TMED3: variants seen among roughly 807,000 people sequenced by gnomAD.
TMED3 encodes the protein transmembrane p24 trafficking protein 3.
Under a neutral mutation model 15.0 loss-of-function variants are expected in TMED3, and 9 were observed. That is an observed-to-expected ratio of 0.60 (90% CI 0.36 to 1.04). The LOEUF (loss-of-function observed/expected upper bound fraction) is 1.04, where lower values mean the gene tolerates loss of function less well. Ranked by LOEUF, TMED3 falls within the 50% of genes least tolerant of loss-of-function variation. The pLI is 0.01. For synonymous variants in TMED3, 117 were observed against 121.4 expected (o/e 0.96, Z 0.24); for missense variants, 267 against 278.9 (o/e 0.96, Z 0.30).
chr15:79,382,226 G>A (rs984303472), intron 2 of TMED3, among the ~76,000 whole-genome samples: 5 of 152,162 alleles, frequency 3.3e-5, no homozygotes, highest in South Asian at 2.1e-4. Flanking sequence ...CAAGCCATGC[G>A]CAGGTCATGG....
Position 79,396,350 on chromosome 15 carries a change from A to G in TMED3, c.418-15050A>G, listed in dbSNP as rs117176973. ...ACGGAGAGTAACTTGTCATGACTCC[A>G]CTATGTCTGGGGCCTCATCTTGAAT... On this transcript the variant is annotated intron_variant, in intron 2 of 2. Transcript: ENST00000424155. Among the ~76,000 whole-genome samples the G allele has an allele frequency of 2.5e-3, 381 of 152,328 alleles. 1 individual carries two copies. The highest frequency in any genetic ancestry group is 3.2e-3 in the Non-Finnish European group (215 of 68,032).
In TMED3 at chr15:79,410,323, G is replaced by GA. The variant is rs1363561328; in HGVS notation, c.418-1073dup. ...TCTAATTCAGGATATTAATAATTGT[G>GA]AAAAGACCCAATTTTTCCCATCGGA... On this transcript the variant is annotated intron_variant, in intron 2 of 2. Coordinates refer to the TMED3 transcript ENST00000424155. Among the ~76,000 whole-genome samples the GA allele has an allele frequency of 2.0e-5, 3 of 152,138 alleles. No homozygotes were observed. In the East Asian group the frequency reaches 5.8e-4, roughly 29 times the overall value.
Position 79,311,176 on chromosome 15 carries a change from T to G in TMED3, c.-74T>G. 1 of 1,483,234 alleles carries G rather than the reference T, an allele frequency of 6.7e-7. No individual in the cohort carries two copies. The highest frequency in any genetic ancestry group is 9.0e-7 in the Non-Finnish European group (1 of 1,114,032). 91.9% of individuals were successfully genotyped at this position (1,483,234 alleles called of 1,614,324 possible). On this transcript the variant is annotated 5_prime_UTR_variant, in exon 1 of 3. Coordinates refer to ENST00000299705, the MANE Select transcript of TMED3 (RefSeq NM_007364.4). ...CCCCTTACATCCTCCTAGGACCCGG[T>G]CGGTAGTCGTCGCCCCAGCCCGCCG... is the stretch of plus-strand genomic sequence containing the variant.
chr15:79,341,504 G>A (rs1486900153), intron 2 of TMED3, among the ~76,000 whole-genome samples: 1 of 152,154 alleles, frequency 6.6e-6, no homozygotes, highest in Non-Finnish European at 1.5e-5. Flanking sequence ...TTAGGTAGGC[G>A]AGCCCATGGC....
chr15:79,341,170 G>A (rs2058849932), intron 2 of TMED3, among the ~76,000 whole-genome samples: 1 of 116,932 alleles, frequency 8.6e-6, no homozygotes, highest in African/African-American at 3.3e-5. Flanking sequence ...TTCAGCCTGA[G>A]TGACACAGCA....
chr15:79,359,701 G>T (rs947988323), intron 2 of TMED3, among the ~76,000 whole-genome samples: 4 of 152,158 alleles, frequency 2.6e-5, no homozygotes, highest in Admixed American at 6.5e-5. Flanking sequence ...GAGAGATCAA[G>T]GTCTCAGAAA....
At chr15:79,319,549 G>A (rs781626319) in intron 2 of TMED3, among the ~76,000 whole-genome samples, 1 of 152,204 alleles carries the variant, frequency 6.6e-6, no homozygotes, top group Non-Finnish European at 1.5e-5. Context: ...CTCCCTATGT[G>A]TGGAGACGAG....
chr15:79,344,046 C>T (rs938173027), intron 2 of TMED3, among the ~76,000 whole-genome samples: 2 of 152,152 alleles, frequency 1.3e-5, no homozygotes, highest in African/African-American at 2.4e-5. Flanking sequence ...AATAAAAACA[C>T]TCGGCCTACG....
intron 2 of TMED3, among the ~76,000 whole-genome samples, chr15:79,374,867 A>G (rs1489234740): frequency 6.6e-6 from 1 of 152,184 alleles, no homozygotes; most frequent in Non-Finnish European, 1.5e-5. Context: ...CAAGAAACAC[A>G]GTCTAGGAGA....
chr15:79,353,323 T>C (rs1399235491), intron 2 of TMED3, among the ~76,000 whole-genome samples: 1 of 76,434 alleles, frequency 1.3e-5, no homozygotes, highest in Admixed American at 2.2e-4. Context: ...ATATAATATA[T>C]ATAATATATA....
chr15:79,336,590 G>GGAGGTTGCAGTGAGCA lies in TMED3; in HGVS notation c.417+22617_417+22632dup, dbSNP rs778133212. ...GGAGAATGACTTGAACCCAGGAGAT[G>GGAGGTTGCAGTGAGCA]GAGGTTGCAGTGAGCAGAGGTTGCA... On this transcript the variant is annotated intron_variant, in intron 2 of 2. Coordinates refer to the TMED3 transcript ENST00000424155. Among the ~76,000 whole-genome samples the GGAGGTTGCAGTGAGCA allele has an allele frequency of 3.1e-4, 47 of 152,064 alleles. 1 individual carries two copies. The highest frequency in any genetic ancestry group is 1.1e-3 in the African/African-American group (46 of 41,382).
intron 2 of TMED3, chr15:79,383,052 G>C: frequency 2.6e-6 from 4 of 1,534,342 alleles, no homozygotes; most frequent in Non-Finnish European, 3.5e-6. Context: ...CCAACTGCTT[G>C]TTTACCTCCT....
At chr15:79,313,613 A>C in intron 1 of TMED3, 144 bp from the exon 2 acceptor site, 1 of 1,107,714 alleles carries the variant, frequency 9.0e-7, no homozygotes, top group East Asian at 2.6e-5. Flanking sequence ...CCTTAGTAAA[A>C]TGAGAAGTGG....
At chr15:79,369,249 A>G (rs549679518) in intron 2 of TMED3, among the ~76,000 whole-genome samples, 78 of 152,252 alleles carry the variant, frequency 5.1e-4, no homozygotes, top group South Asian at 1.5e-3. Context: ...CCACTAGGAA[A>G]CTCACCCACC....
At chr15:79,337,456 A>G (rs935974731) in intron 2 of TMED3, among the ~76,000 whole-genome samples, 1 of 152,222 alleles carries the variant, frequency 6.6e-6, no homozygotes, top group Non-Finnish European at 1.5e-5. Context: ...AAAAACAAAA[A>G]TAGAATAATT....
At chr15:79,409,814 T>G (rs1284282887) in intron 2 of TMED3, among the ~76,000 whole-genome samples, 1 of 152,200 alleles carries the variant, frequency 6.6e-6, no homozygotes, top group Non-Finnish European at 1.5e-5. Flanking sequence ...GGTTCTAGTT[T>G]GGCTGCAGCA....
chr15:79,353,258 T>C (rs1426303712), intron 2 of TMED3, among the ~76,000 whole-genome samples: 10 of 26,664 alleles, frequency 3.8e-4, no homozygotes, highest in African/African-American at 1.3e-3. Flanking sequence ...ATATATAATA[T>C]ATATTATATA....
At chr15:79,403,050 C>T (rs932796491) in intron 2 of TMED3, among the ~76,000 whole-genome samples, 1 of 150,800 alleles carries the variant, frequency 6.6e-6, no homozygotes, top group East Asian at 2.0e-4. Flanking sequence ...GAAACCCTGT[C>T]TCTATTCAAA....
At chr15:79,406,766 AC>A (rs904881648) in intron 2 of TMED3, among the ~76,000 whole-genome samples, 1 of 151,818 alleles carries the variant, frequency 6.6e-6, no homozygotes, top group African/African-American at 2.4e-5. Context: ...CATTTATCTT[AC>A]CCCCCGCAGG....
Sources: allele counts gnomAD v4.1 joint callset (sites outside exome capture counted in the v4.1 genomes callset), GRCh38; gene constraint gnomAD v4.1.1; transcripts MANE v1.5; gene names NCBI Gene and HGNC (gene_info 2026-07-23, HGNC 2026-07-21).